Variants in TSTD2 observed in about 807,000 individuals in gnomAD.
TSTD2 encodes the protein thiosulfate sulfurtransferase/rhodanese-like domain-containing protein 2.
Under a neutral mutation model 47.9 loss-of-function variants are expected in TSTD2, and 37 were observed. The ratio of observed to expected loss-of-function variants is 0.77; its 90% CI spans 0.59 to 1.02. The LOEUF (loss-of-function observed/expected upper bound fraction) is 1.02. TSTD2 is among the 50% of genes least tolerant of loss of function. TSTD2 has a pLI of 0.00. For synonymous variants in TSTD2, 201 were observed against 215.9 expected (o/e 0.93, Z 0.61); for missense variants, 586 against 616.0 (o/e 0.95, Z 0.52).
chr9:97,607,268 G>A (rs1251412132), intron 6 of TSTD2, among the ~76,000 whole-genome samples: 3 of 152,162 alleles, frequency 2.0e-5, no homozygotes, highest in African/African-American at 7.2e-5. Flanking sequence ...ATCTTTGAGG[G>A]TCCAGAAATC....
intron 6 of TSTD2, among the ~76,000 whole-genome samples, chr9:97,608,336 G>A (rs188806565): frequency 1.8e-4 from 28 of 152,276 alleles, no homozygotes; most frequent in African/African-American, 6.3e-4. Flanking sequence ...GCATGGATGT[G>A]TTTAAAAGAC....
intron 6 of TSTD2, among the ~76,000 whole-genome samples, chr9:97,609,620 T>TA (rs1826424493): frequency 6.6e-6 from 1 of 152,258 alleles, no homozygotes; most frequent in Admixed American, 6.5e-5. Flanking sequence ...AGGAATCAGT[T>TA]AAAATGTTTT....
chr9:97,616,988 G>T (rs1200033605), intron 4 of TSTD2, among the ~76,000 whole-genome samples: 1 of 152,162 alleles, frequency 6.6e-6, no homozygotes, highest in Admixed American at 6.5e-5. Flanking sequence ...TCTACTGAGG[G>T]TCTACTACAT....
At position 97,604,816 on chromosome 9, in the gene TSTD2, A is replaced by C. The variant is rs771909010; in HGVS notation, c.1163T>G (p.Leu388Arg). 2 of 1,614,148 alleles carry C rather than the reference A, an allele frequency of 1.2e-6. No homozygotes were observed. Among genetic ancestry groups the C allele is most frequent in the Admixed American group, 3.3e-5 (2 of 60,014 alleles). Residue 388 changes from leucine to arginine, a missense_variant, in exon 9 of 10, where the codon CTG becomes CGG. Transcript: ENST00000341170. ...FQLKGGIHKY[L>R]EEFPDGFYKG... ...GTAAAAGCCATCAGGAAACTCTTCC[A>C]GGTACTTGTGGATGCCACCCTTGAG...
At chr9:97,609,817 G>C (rs1366032846) in intron 6 of TSTD2, among the ~76,000 whole-genome samples, 1 of 152,104 alleles carries the variant, frequency 6.6e-6, no homozygotes, top group Non-Finnish European at 1.5e-5. Flanking sequence ...TGCATGATAG[G>C]TACATAGAAC....
At chr9:97,614,675 A>G (rs1826514955) in intron 4 of TSTD2, among the ~76,000 whole-genome samples, 1 of 152,152 alleles carries the variant, frequency 6.6e-6, no homozygotes, top group African/African-American at 2.4e-5. Flanking sequence ...AGCACTCTAG[A>G]GAGGAAGGAA....
chr9:97,626,663 G>A (rs928934126), intron 2 of TSTD2, among the ~76,000 whole-genome samples: 1 of 152,176 alleles, frequency 6.6e-6, no homozygotes, highest in Non-Finnish European at 1.5e-5. Context: ...TAAAAGCCAT[G>A]TTGAATGAGC....
At position 97,610,429 on chromosome 9, in the gene TSTD2, C is replaced by G; in HGVS notation, c.752G>C (p.Cys251Ser). 1 of 1,582,158 alleles carries G rather than the reference C, an allele frequency of 6.3e-7. No individual in the cohort carries two copies. Among genetic ancestry groups the G allele is most frequent in the South Asian group, 1.2e-5 (1 of 85,566 alleles). Residue 251 changes from cysteine (C) to serine (S), a missense_variant, in exon 6 of 10, where the codon TGT becomes TCT. By Grantham distance (112) the Cys-to-Ser change is moderately radical. Transcript: ENST00000341170. ...TACACCAACACGCAATTCTGGAAAA[C>G]AGTGAGCTCCTCCTTTGCTGGTCTA... is the stretch of plus-strand genomic sequence containing the variant. ...DFKTSKGGAH[C>S]FPELRVGVFE...
At position 97,602,298 on chromosome 9, in the gene TSTD2, G is replaced by T; in HGVS notation, c.*171C>A. The T allele has an allele frequency of 1.4e-6, 1 of 720,408 alleles. No individual in the cohort carries two copies. Among genetic ancestry groups the T allele is most frequent in the Non-Finnish European group, 2.2e-6 (1 of 451,704 alleles). 44.6% of individuals were successfully genotyped at this position (720,408 alleles called of 1,614,324 possible). A position where few individuals can be genotyped will look rare whatever the true frequency, so the allele number is the denominator to read the frequency against. On this transcript the variant is annotated 3_prime_UTR_variant, in exon 10 of 10. Transcript: ENST00000341170. ...ATCAGAATGTCTCAGGTAAGTGGTA[G>T]ACAACGTGACTCCTCCCCTCCCGCT... is the stretch of plus-strand genomic sequence containing the variant.
chr9:97,610,302 T>C, intron 6 of TSTD2, 44 bp downstream of exon 6: 3 of 1,538,730 alleles, frequency 1.9e-6, no homozygotes, highest in South Asian at 1.2e-5. Flanking sequence ...CTATTAAGTT[T>C]TGTCCCTGTG....
At position 97,600,441 on chromosome 9, in the gene TSTD2, T is replaced by G. The variant is rs144553031; in HGVS notation, c.*2028A>C. On this transcript the variant is annotated 3_prime_UTR_variant, in exon 10 of 10. Coordinates refer to ENST00000341170, the MANE Select transcript of TSTD2 (RefSeq NM_139246.5). ...TTGGGATTTATGTACAATTTAATAC[T>G]GGAGTTAGAACTTTTTCCTTATTGA... 276 of 985,702 alleles carry G rather than the reference T, an allele frequency of 2.8e-4. 1 individual carries two copies. In the African/African-American group the frequency reaches 4.4e-3, roughly 16 times the overall value. The allele number at this position is 985,702 out of a possible 1,614,324, so 61.1% of individuals were successfully genotyped here. A position where few individuals can be genotyped will look rare whatever the true frequency, so the allele number is the denominator to read the frequency against.
chr9:97,606,995 T>C (rs1267942324), intron 6 of TSTD2, among the ~76,000 whole-genome samples: 1 of 152,072 alleles, frequency 6.6e-6, no homozygotes, highest in Non-Finnish European at 1.5e-5. Context: ...CGAGACTCTG[T>C]CTCTAAAAAA....
chr9:97,625,842 C>CTGGTGATA lies in TSTD2; in HGVS notation c.313_320dup (p.Gln107HisfsTer9). 6.2e-7 allele frequency: 1 copy of CTGGTGATA among 1,614,134 alleles called. No individual in the cohort carries two copies. Among genetic ancestry groups the CTGGTGATA allele is most frequent in the Non-Finnish European group, 8.5e-7 (1 of 1,179,986 alleles). On this transcript the variant is annotated frameshift_variant, in exon 3 of 10. Transcript: ENST00000341170. LOFTEE classifies it high-confidence loss of function. ...CCAGTTGCTTTAAAATAGAAGCTGTCTGGTGATAAATTTCATCAGCATGTT... is the reference window on the plus strand; with the variant it reads ...CCAGTTGCTTTAAAATAGAAGCTGTCTGGTGATATGGTGATAAATTTCATCAGCATGTT...
At chr9:97,614,780 A>T (rs1046492816) in intron 4 of TSTD2, among the ~76,000 whole-genome samples, 3 of 152,302 alleles carry the variant, frequency 2.0e-5, no homozygotes, top group African/African-American at 7.2e-5. Flanking sequence ...TAGTACTGTA[A>T]AATGTTTTCC....
intron 9 of TSTD2, 111 bp downstream of exon 9, chr9:97,604,616 T>C: frequency 7.0e-7 from 1 of 1,432,124 alleles, no homozygotes; most frequent in Non-Finnish European, 9.5e-7. Flanking sequence ...TCCCTGCTTA[T>C]TCAGTGCTCA....
Position 97,602,212 on chromosome 9 carries a change from C to T in TSTD2, c.*257G>A. 4 of 470,688 alleles carry T rather than the reference C, an allele frequency of 8.5e-6. No individual in the cohort carries two copies. Among genetic ancestry groups the T allele is most frequent in the Non-Finnish European group, 1.5e-5 (4 of 268,116 alleles). The allele number at this position is 470,688 out of a possible 1,614,324, so 29.2% of individuals were successfully genotyped here. On this transcript the variant is annotated 3_prime_UTR_variant, in exon 10 of 10. Coordinates refer to ENST00000341170, the MANE Select transcript of TSTD2 (RefSeq NM_139246.5). ...TGTGGCCACCAGGCTCAGGCTCTATCCCTCAGCAGCTTTGGGATCCCATGC... is the reference window on the plus strand; with the variant it reads ...TGTGGCCACCAGGCTCAGGCTCTATTCCTCAGCAGCTTTGGGATCCCATGC...
chr9:97,623,190 T>C (rs1176718261), intron 3 of TSTD2, among the ~76,000 whole-genome samples: 1 of 152,194 alleles, frequency 6.6e-6, no homozygotes, highest in Admixed American at 6.5e-5. Context: ...ATGTTGTTCT[T>C]GTGATAGTAA....
rs763921813 is a variant in TSTD2 at position 97,627,570 on chromosome 9, GGTTGCAACA to G, written c.-17_-9del. ...TGAAGTGGAAGAAGGCATCTGGTTTGGTTGCAACAGTGAAGCAGATATTCCTTTCAGTTA... is the reference window on the plus strand; with the variant it reads ...TGAAGTGGAAGAAGGCATCTGGTTTGGTGAAGCAGATATTCCTTTCAGTTA... On this transcript the variant is annotated 5_prime_UTR_variant, in exon 2 of 10. Coordinates refer to ENST00000341170, the MANE Select transcript of TSTD2 (RefSeq NM_139246.5). 6 of 1,589,928 alleles carry G rather than the reference GGTTGCAACA, an allele frequency of 3.8e-6. No individual in the cohort carries two copies. The South Asian group carries it at 6.8e-5, about 18-fold the overall frequency.
intron 4 of TSTD2, among the ~76,000 whole-genome samples, chr9:97,611,996 T>C (rs1826468641): frequency 6.6e-6 from 1 of 152,180 alleles, no homozygotes; most frequent in African/African-American, 2.4e-5. Flanking sequence ...GTTATGCTCC[T>C]GATCCTCTCC....
Sources: allele counts gnomAD v4.1 joint callset (sites outside exome capture counted in the v4.1 genomes callset), GRCh38; gene constraint gnomAD v4.1.1; transcripts MANE v1.5; gene names NCBI Gene and HGNC (gene_info 2026-07-23, HGNC 2026-07-21).